DLGAP2: variants seen among roughly 807,000 people sequenced by gnomAD.
DLGAP2 encodes DLG associated protein 2.
In DLGAP2, 26 loss-of-function variants were observed where a neutral mutation model predicts 100.3. The observed-to-expected ratio is 0.26, with a 90% confidence interval of 0.19 to 0.36. DLGAP2 has a LOEUF of 0.36. Ranked by LOEUF, DLGAP2 falls within the 10% of genes least tolerant of loss-of-function variation. The pLI, the probability that DLGAP2 is intolerant of heterozygous loss-of-function variation, is 1.00. For synonymous variants in DLGAP2, 886 were observed against 630.1 expected (o/e 1.41, Z -6.08); for missense variants, 1,858 against 1,453.2 (o/e 1.28, Z -4.53).
At chr8:1,558,358 A>G (rs1312987764) in intron 5 of DLGAP2, among the ~76,000 whole-genome samples, 1 of 152,210 alleles carries the variant, frequency 6.6e-6, no homozygotes, top group Non-Finnish European at 1.5e-5. Context: ...CACAACTCAC[A>G]GCCCCAGAAG....
intron 6 of DLGAP2, among the ~76,000 whole-genome samples, chr8:1,568,107 C>T (rs1802479670): frequency 6.6e-6 from 1 of 150,840 alleles, no homozygotes; most frequent in African/African-American, 2.4e-5. Context: ...CCTGTGGCCC[C>T]CATGCCACTG....
intron 1 of DLGAP2, among the ~76,000 whole-genome samples, chr8:873,450 G>A (rs898307168): frequency 4.6e-5 from 7 of 152,160 alleles, no homozygotes; most frequent in African/African-American, 1.2e-4. Flanking sequence ...TAAGTATGAC[G>A]TTAGTTATGT....
intron 2 of DLGAP2, among the ~76,000 whole-genome samples, chr8:1,242,904 A>C (rs1194528162): frequency 6.9e-6 from 1 of 145,072 alleles, no homozygotes; most frequent in Non-Finnish European, 1.5e-5. Flanking sequence ...CCATGGATTG[A>C]CGGATGGATG....
chr8:1,196,183 C>G (rs1041045279), intron 2 of DLGAP2, among the ~76,000 whole-genome samples: 2 of 152,216 alleles, frequency 1.3e-5, no homozygotes, highest in Non-Finnish European at 2.9e-5. Flanking sequence ...ACCCTACTTT[C>G]ATGTTATGTG....
chr8:1,087,553 CTTT>C (rs34152210), intron 2 of DLGAP2, among the ~76,000 whole-genome samples: 1 of 146,538 alleles, frequency 6.8e-6, no homozygotes. Context: ...CTCTCTCTCT[CTTT>C]TTTTTTTTTT....
At chr8:1,179,235 T>C (rs996316097) in intron 2 of DLGAP2, among the ~76,000 whole-genome samples, 3 of 152,260 alleles carry the variant, frequency 2.0e-5, no homozygotes, top group Admixed American at 6.5e-5. Flanking sequence ...GGAGATGGGA[T>C]GGCTGAGTAT....
At chr8:1,613,795 C>G (rs992409787) in intron 6 of DLGAP2, among the ~76,000 whole-genome samples, 2 of 152,146 alleles carry the variant, frequency 1.3e-5, no homozygotes, top group Non-Finnish European at 2.9e-5. Context: ...CATGTCCACC[C>G]TGCATGTTCA....
At chr8:1,178,664 C>T (rs189677307) in intron 2 of DLGAP2, among the ~76,000 whole-genome samples, 19 of 152,208 alleles carry the variant, frequency 1.2e-4, no homozygotes, top group Admixed American at 4.6e-4. Flanking sequence ...TCAAACCCAC[C>T]TTGAATGGAT....
intron 3 of DLGAP2, among the ~76,000 whole-genome samples, chr8:1,295,147 T>C (rs1216512788): frequency 6.6e-6 from 1 of 152,152 alleles, no homozygotes; most frequent in Non-Finnish European, 1.5e-5. Flanking sequence ...CTCGTCTCCT[T>C]GGGTGTCTGC....
intron 3 of DLGAP2, among the ~76,000 whole-genome samples, chr8:1,337,667 C>T (rs1232369416): frequency 1.3e-5 from 2 of 151,792 alleles, no homozygotes; most frequent in Non-Finnish European, 2.9e-5. Context: ...GATGTGACAC[C>T]AAAAGCATAA....
At chr8:1,118,080 C>G (rs182247744) in intron 2 of DLGAP2, among the ~76,000 whole-genome samples, 1 of 152,134 alleles carries the variant, frequency 6.6e-6, no homozygotes, top group African/African-American at 2.4e-5. Flanking sequence ...AATGCTGTAC[C>G]TCAGCTCCCA....
intron 3 of DLGAP2, among the ~76,000 whole-genome samples, chr8:1,353,939 T>C (rs190520940): frequency 1.2e-4 from 18 of 152,040 alleles, no homozygotes; most frequent in Non-Finnish European, 1.8e-4. Flanking sequence ...CCAAGAAAAA[T>C]TTCCAGCGTC....
chr8:935,601 G>C (rs191197503), intron 2 of DLGAP2, among the ~76,000 whole-genome samples: 2 of 152,098 alleles, frequency 1.3e-5, no homozygotes, highest in Non-Finnish European at 2.9e-5. Context: ...TGGCTCTGTC[G>C]CATTTGCATA....
intron 2 of DLGAP2, among the ~76,000 whole-genome samples, chr8:1,193,610 G>T (rs769135833): frequency 1.3e-5 from 2 of 152,146 alleles, no homozygotes; most frequent in Admixed American, 6.5e-5. Flanking sequence ...CCCATTATCT[G>T]TGTGTCCGCT....
intron 3 of DLGAP2, among the ~76,000 whole-genome samples, chr8:1,431,498 GAA>G (rs1318935604): frequency 6.6e-6 from 1 of 152,226 alleles, no homozygotes; most frequent in African/African-American, 2.4e-5. Flanking sequence ...GCAGAAAGAA[GAA>G]GAGAAAGGAG....
intron 2 of DLGAP2, among the ~76,000 whole-genome samples, chr8:1,146,344 C>T (rs1194899071): frequency 1.3e-5 from 2 of 152,184 alleles, no homozygotes; most frequent in African/African-American, 4.8e-5. Context: ...TTTACGGATT[C>T]CAGATATGAG....
chr8:1,547,719 C>T (rs1278421497), intron 4 of DLGAP2, among the ~76,000 whole-genome samples: 4 of 152,142 alleles, frequency 2.6e-5, no homozygotes, highest in East Asian at 1.9e-4. Context: ...GCCACAGCCT[C>T]GCTCCTCCAG....
chr8:1,488,271 C>G (rs1326584103), intron 3 of DLGAP2, among the ~76,000 whole-genome samples: 2 of 152,166 alleles, frequency 1.3e-5, no homozygotes, highest in African/African-American at 4.8e-5. Flanking sequence ...AACACAGACG[C>G]CCGTCTGGGA....
At chr8:1,413,965 C>A (rs141749167) in intron 3 of DLGAP2, among the ~76,000 whole-genome samples, 381 of 152,270 alleles carry the variant, frequency 2.5e-3, no homozygotes, top group African/African-American at 8.3e-3. Context: ...CTGAAGACAC[C>A]ATCAACAGGG....
Sources: allele counts gnomAD v4.1 joint callset (sites outside exome capture counted in the v4.1 genomes callset), GRCh38; gene constraint gnomAD v4.1.1; transcripts MANE v1.5; gene names NCBI Gene and HGNC (gene_info 2026-07-23, HGNC 2026-07-21).